Variants in IQSEC1 observed in about 807,000 individuals in gnomAD.
IQSEC1 encodes the protein IQ motif and Sec7 domain ArfGEF 1.
A neutral mutation model predicts 91.0 loss-of-function variants in IQSEC1; 31 were observed. That is an observed-to-expected ratio of 0.34 (90% CI 0.26 to 0.46). The LOEUF (loss-of-function observed/expected upper bound fraction) is 0.46. Ranked by LOEUF, IQSEC1 falls within the 20% of genes least tolerant of loss-of-function variation. The probability of loss-of-function intolerance (pLI) is 1.00; values close to 1 mark genes in which losing one functional copy is unlikely to be tolerated. For synonymous variants in IQSEC1, 699 were observed against 662.6 expected, an observed-to-expected ratio of 1.05 and a Z score of -0.84; for missense variants, 1,388 against 1,575.6, an observed-to-expected ratio of 0.88 and a Z score of 2.02.
At chr3:13,080,169 G>T (rs904468715) in intron 2 of IQSEC1, among the ~76,000 whole-genome samples, 2 of 152,228 alleles carry the variant, frequency 1.3e-5, no homozygotes, top group African/African-American at 4.8e-5. Flanking sequence ...GACATGGTGA[G>T]GTTTGTGATT....
chr3:13,200,297 T>A (rs1694221238), intron 1 of IQSEC1, among the ~76,000 whole-genome samples: 1 of 151,740 alleles, frequency 6.6e-6, no homozygotes, highest in Non-Finnish European at 1.5e-5. Context: ...CCCCCCCTTA[T>A]CATTTATAAG....
chr3:13,186,648 C>G (rs1435719353), intron 1 of IQSEC1, among the ~76,000 whole-genome samples: 1 of 152,138 alleles, frequency 6.6e-6, no homozygotes, highest in South Asian at 2.1e-4. Context: ...GATGCACAGA[C>G]GGGGCAGAGC....
chr3:13,104,343 C>G (rs1227820631), intron 2 of IQSEC1, among the ~76,000 whole-genome samples: 1 of 152,156 alleles, frequency 6.6e-6, no homozygotes. Context: ...CCTGGGGTGA[C>G]AAGCCTCCCA....
At chr3:13,248,989 G>T (rs1336850081) in intron 1 of IQSEC1, among the ~76,000 whole-genome samples, 2 of 152,118 alleles carry the variant, frequency 1.3e-5, no homozygotes, top group Non-Finnish European at 2.9e-5. Context: ...GCCCCAGTCC[G>T]TGCTCCTGAC....
chr3:13,186,588 G>A (rs1693935315), intron 1 of IQSEC1, among the ~76,000 whole-genome samples: 2 of 152,226 alleles, frequency 1.3e-5, no homozygotes, highest in Non-Finnish European at 2.9e-5. Flanking sequence ...GCCTACAGCT[G>A]CCTGAAAGCC....
intron 1 of IQSEC1, among the ~76,000 whole-genome samples, chr3:13,027,656 C>T (rs1197109428): frequency 6.6e-6 from 1 of 152,104 alleles, no homozygotes; most frequent in African/African-American, 2.4e-5. Context: ...GGGTTGCTGG[C>T]CTGAACAACT....
chr3:13,035,046 T>A (rs1014527256), intron 1 of IQSEC1, among the ~76,000 whole-genome samples: 3 of 152,216 alleles, frequency 2.0e-5, no homozygotes, highest in Non-Finnish European at 4.4e-5. Flanking sequence ...ATCCCAGCAC[T>A]GCCAAGGGGC....
Position 12,979,768 on chromosome 3 carries a change from T to A in IQSEC1, c.24-37903A>T, listed in dbSNP as rs1701362889. 6.6e-6 allele frequency among the ~76,000 whole-genome samples: 1 copy of A among 152,196 alleles called. No individual in the cohort carries two copies. On this transcript the variant is annotated intron_variant, in intron 1 of 13. Transcript: ENST00000613206. The surrounding 1 kb of genome is among the most constrained non-coding windows in gnomAD (Gnocchi z 4.3). ...AGAGCACCGGAAGGAGAACTCTCTC[T>A]CATGTTCCAGGTGGTATGCTCCATG... is the stretch of plus-strand genomic sequence containing the variant.
At chr3:13,029,666 C>T (rs1703766636) in intron 1 of IQSEC1, among the ~76,000 whole-genome samples, 2 of 152,240 alleles carry the variant, frequency 1.3e-5, no homozygotes, top group African/African-American at 4.8e-5. Flanking sequence ...CAGGAACCCT[C>T]CCCTTGTGCG....
chr3:13,035,519 A>G (rs1704002342), intron 1 of IQSEC1, among the ~76,000 whole-genome samples: 1 of 152,094 alleles, frequency 6.6e-6, no homozygotes, highest in Non-Finnish European at 1.5e-5. Context: ...TACTCCATTA[A>G]GAAAAAGAAA....
chr3:12,977,229 T>C (rs1036228226), intron 1 of IQSEC1, among the ~76,000 whole-genome samples: 2 of 151,992 alleles, frequency 1.3e-5, no homozygotes, highest in African/African-American at 4.8e-5. Context: ...ATGCCTGTGG[T>C]TCCAGCTACT....
intron 2 of IQSEC1, among the ~76,000 whole-genome samples, chr3:13,144,353 C>T (rs1427349848): frequency 3.3e-5 from 5 of 152,210 alleles, no homozygotes; most frequent in Admixed American, 1.3e-4. Context: ...GTCACCGCCA[C>T]GTGGCTGTCA....
chr3:13,161,841 T>C (rs1707182067), intron 2 of IQSEC1, among the ~76,000 whole-genome samples: 1 of 152,184 alleles, frequency 6.6e-6, no homozygotes. Flanking sequence ...CTGGGAGCTG[T>C]GTGGCTCGGA....
At chr3:13,015,642 C>T in intron 1 of IQSEC1, 4 of 985,250 alleles carry the variant, frequency 4.1e-6, no homozygotes, top group Non-Finnish European at 4.8e-6. Flanking sequence ...CTCTGCGGCC[C>T]CGGGGGATGA....
Position 13,207,305 on chromosome 3 carries a change from G to A in IQSEC1, c.273-43172C>T, listed in dbSNP as rs951705429. The stretch of plus-strand genomic sequence containing the variant: ...CCCTCCCACAACATCCAGCCATGTC[G>A]GCAGGTCCTAACAGCTTCCGCTCCA... On this transcript the variant is annotated intron_variant, in intron 1 of 15. Transcript: ENST00000648114. The surrounding 1 kb of genome is among the most constrained non-coding windows in gnomAD (Gnocchi z 4.8). Among the ~76,000 whole-genome samples, 1 of 151,936 alleles carries A rather than the reference G, an allele frequency of 6.6e-6. No homozygotes were observed. Among genetic ancestry groups the A allele is most frequent in the Non-Finnish European group, 1.5e-5 (1 of 67,998 alleles).
At chr3:13,241,050 T>C (rs549374699) in intron 1 of IQSEC1, among the ~76,000 whole-genome samples, 4 of 152,326 alleles carry the variant, frequency 2.6e-5, no homozygotes, top group East Asian at 1.9e-4. Context: ...AACCAGGCAC[T>C]TGATGGTCTG....
chr3:13,045,348 C>G (rs1394116134), intron 1 of IQSEC1, among the ~76,000 whole-genome samples: 3 of 152,208 alleles, frequency 2.0e-5, no homozygotes, highest in Admixed American at 2.0e-4. Context: ...CTGCCTGCCA[C>G]AGATGCTCTG....
intron 1 of IQSEC1, among the ~76,000 whole-genome samples, chr3:12,955,064 G>GC (rs961017617): frequency 4.7e-4 from 72 of 152,332 alleles, no homozygotes; most frequent in African/African-American, 1.6e-3. Context: ...GCCTGGCAGA[G>GC]CCCCGTGACT....
At chr3:13,001,357 A>G (rs1702416939) in intron 1 of IQSEC1, among the ~76,000 whole-genome samples, 1 of 151,998 alleles carries the variant, frequency 6.6e-6, no homozygotes, top group African/African-American at 2.4e-5. Context: ...CCTATCTGGA[A>G]CTCTGCTCTC....
Sources: allele counts gnomAD v4.1 joint callset (sites outside exome capture counted in the v4.1 genomes callset), GRCh38; gene constraint gnomAD v4.1.1; non-coding constraint Gnocchi (gnomAD v3.1); transcripts MANE v1.5; gene names NCBI Gene and HGNC (gene_info 2026-07-23, HGNC 2026-07-21).